PTPRD: variants seen among roughly 807,000 people sequenced by gnomAD.
PTPRD encodes receptor-type tyrosine-protein phosphatase delta.
Under a neutral mutation model 214.5 loss-of-function variants are expected in PTPRD, and 34 were observed. That is an observed-to-expected ratio of 0.16 (90% CI 0.12 to 0.21). PTPRD has a LOEUF of 0.21. Among genes scored for constraint, PTPRD ranks in the 10% least tolerant of loss-of-function variants. The pLI, the probability that PTPRD is intolerant of heterozygous loss-of-function variation, is 1.00. For missense variants in PTPRD, 2,545 were observed against 2,398.7 expected, an observed-to-expected ratio of 1.06 and a Z score of -1.27; for synonymous variants, 1,128 against 845.7, an observed-to-expected ratio of 1.33 and a Z score of -5.79.
intron 14 of PTPRD, among the ~76,000 whole-genome samples, chr9:8,577,303 G>A (rs2154246445): frequency 6.6e-6 from 1 of 152,238 alleles, no homozygotes; most frequent in South Asian, 2.1e-4. Context: ...TGCCCAGGCT[G>A]GAGTACAATT....
chr9:10,096,220 G>C lies in PTPRD; in HGVS notation c.-544-62430C>G, dbSNP rs570940669. 6.6e-5 allele frequency among the ~76,000 whole-genome samples: 10 copies of C among 151,780 alleles called. 1 individual carries two copies. The highest frequency in any genetic ancestry group is 1.9e-4 in the African/African-American group (8 of 41,496). ...TGGTCTGACATATAGAACAGGAAAAGTTACTAAGATATAAATTGAGATACA... is the reference window on the plus strand; with the variant it reads ...TGGTCTGACATATAGAACAGGAAAACTTACTAAGATATAAATTGAGATACA... On this transcript the variant is annotated intron_variant, in intron 3 of 45. Transcript: ENST00000381196.
chr9:8,566,068 T>G (rs974146014), intron 14 of PTPRD, among the ~76,000 whole-genome samples: 2 of 147,808 alleles, frequency 1.4e-5, no homozygotes, highest in Non-Finnish European at 3.0e-5. Flanking sequence ...TGAAAATACT[T>G]CCGCTGAAAA....
At chr9:10,267,086 G>C (rs2094116834) in intron 3 of PTPRD, among the ~76,000 whole-genome samples, 1 of 151,514 alleles carries the variant, frequency 6.6e-6, no homozygotes, top group African/African-American at 2.4e-5. Context: ...AGTTACTCGG[G>C]AGGCTGAGGC....
chr9:8,990,308 G>A (rs1249841230), intron 11 of PTPRD, among the ~76,000 whole-genome samples: 1 of 152,148 alleles, frequency 6.6e-6, no homozygotes, highest in Non-Finnish European at 1.5e-5. Context: ...CAGTTACGTG[G>A]AATATGGTGA....
Position 8,317,394 on chromosome 9 carries a change from T to C in PTPRD, c.*480A>G, listed in dbSNP as rs964914183. 8.6e-5 allele frequency: 20 copies of C among 233,114 alleles called. No homozygotes were observed. Among genetic ancestry groups the C allele is most frequent in the Non-Finnish European group, 1.3e-4 (15 of 117,722 alleles). The allele number at this position is 233,114 out of a possible 1,614,324, so 14.4% of individuals were successfully genotyped here. A position where few individuals can be genotyped will look rare whatever the true frequency, so the allele number is the denominator to read the frequency against. On this transcript the variant is annotated 3_prime_UTR_variant, in exon 46 of 46. Transcript: ENST00000381196. ...AAAACTAAATCAAGGACTTTCTTTT[T>C]AAACATTCCCTCCCCTTTCCCCCTA...
At chr9:9,159,058 A>G (rs1388157157) in intron 10 of PTPRD, among the ~76,000 whole-genome samples, 4 of 152,208 alleles carry the variant, frequency 2.6e-5, no homozygotes. Flanking sequence ...AATGTATCTC[A>G]ACACAATAAA....
At chr9:8,893,878 T>C (rs1041180955) in intron 11 of PTPRD, among the ~76,000 whole-genome samples, 4 of 152,082 alleles carry the variant, frequency 2.6e-5, no homozygotes, top group South Asian at 4.1e-4. Context: ...GAACTATTTA[T>C]GAAAAATTCA....
chr9:8,407,929 G>T (rs1001902559), intron 35 of PTPRD, among the ~76,000 whole-genome samples: 12 of 152,216 alleles, frequency 7.9e-5, no homozygotes, highest in African/African-American at 2.4e-4. Context: ...ACAACTGAAA[G>T]TTGGTGAGGT....
chr9:9,536,016 C>T (rs2076454157), intron 8 of PTPRD, among the ~76,000 whole-genome samples: 1 of 152,014 alleles, frequency 6.6e-6, no homozygotes, highest in Non-Finnish European at 1.5e-5. Context: ...AAATATTCAG[C>T]CATACATAGA....
chr9:9,092,917 C>A (rs2099778316), intron 10 of PTPRD, among the ~76,000 whole-genome samples: 2 of 151,888 alleles, frequency 1.3e-5, no homozygotes, highest in Non-Finnish European at 2.9e-5. Context: ...AAACCCAATA[C>A]TCTATTATAT....
chr9:10,194,152 C>T (rs2099386421), intron 3 of PTPRD, among the ~76,000 whole-genome samples: 2 of 151,990 alleles, frequency 1.3e-5, no homozygotes, highest in East Asian at 3.9e-4. Context: ...CAATACTTAG[C>T]TTATCATTGA....
At chr9:9,241,237 T>A (rs900408754) in intron 9 of PTPRD, among the ~76,000 whole-genome samples, 1 of 152,204 alleles carries the variant, frequency 6.6e-6, no homozygotes, top group African/African-American at 2.4e-5. Flanking sequence ...TTAAGCTATC[T>A]ATTTGTTACA....
chr9:9,278,103 A>G (rs1158586045), intron 9 of PTPRD, among the ~76,000 whole-genome samples: 1 of 151,404 alleles, frequency 6.6e-6, no homozygotes, highest in Non-Finnish European at 1.5e-5. Flanking sequence ...CCACGATTTG[A>G]CATAGAATTA....
chr9:10,136,165 C>A (rs528685294), intron 3 of PTPRD, among the ~76,000 whole-genome samples: 1 of 151,802 alleles, frequency 6.6e-6, no homozygotes. Flanking sequence ...ATAAAATATT[C>A]AATTCAACAA....
chr9:10,503,884 A>G (rs945770590), intron 2 of PTPRD, among the ~76,000 whole-genome samples: 4 of 151,942 alleles, frequency 2.6e-5, no homozygotes, highest in African/African-American at 9.6e-5. Flanking sequence ...TGGGAGGCCG[A>G]GGTGGGCGGA....
At chr9:9,534,068 T>G (rs1005551041) in intron 8 of PTPRD, among the ~76,000 whole-genome samples, 3 of 152,000 alleles carry the variant, frequency 2.0e-5, no homozygotes, top group African/African-American at 7.2e-5. Flanking sequence ...AACCATAGCT[T>G]AAGCCAGCAG....
At chr9:9,611,225 G>C (rs984485944) in intron 7 of PTPRD, among the ~76,000 whole-genome samples, 20 of 152,110 alleles carry the variant, frequency 1.3e-4, no homozygotes, top group African/African-American at 4.6e-4. Flanking sequence ...AAAGCCAGTA[G>C]CATCTGATTA....
chr9:9,923,038 A>C (rs1392809389), intron 5 of PTPRD, among the ~76,000 whole-genome samples: 1 of 151,934 alleles, frequency 6.6e-6, no homozygotes, highest in Non-Finnish European at 1.5e-5. Flanking sequence ...TCTTTATCTT[A>C]GAAAACACAC....
At chr9:9,895,527 T>C (rs962632401) in intron 5 of PTPRD, among the ~76,000 whole-genome samples, 2 of 152,032 alleles carry the variant, frequency 1.3e-5, no homozygotes, top group African/African-American at 2.4e-5. Context: ...ATGTGCACCA[T>C]GATGAAAAGT....
Sources: gnomAD v4.1 joint callset for allele counts (sites outside exome capture counted in the v4.1 genomes callset) on GRCh38, gnomAD v4.1.1 for gene constraint, MANE v1.5 for transcripts, NCBI Gene and HGNC (gene_info 2026-07-23, HGNC 2026-07-21) for gene names.